Variants in ITSN1 observed in about 807,000 individuals in gnomAD.
ITSN1 encodes the protein intersectin-1.
Under a neutral mutation model 239.8 loss-of-function variants are expected in ITSN1, and 58 were observed. That is an observed-to-expected ratio of 0.24 (90% CI 0.20 to 0.30). ITSN1 has a LOEUF of 0.30. ITSN1 is among the 10% of genes least tolerant of loss of function. The pLI, the probability that ITSN1 is intolerant of heterozygous loss-of-function variation, is 1.00. For synonymous variants in ITSN1, 780 were observed against 770.8 expected (o/e 1.01, Z -0.20); for missense variants, 1,558 against 2,103.3 (o/e 0.74, Z 5.07).
At chr21:33,778,604 A>G (rs1602179587) in intron 14 of ITSN1, among the ~76,000 whole-genome samples, 1 of 80,950 alleles carries the variant, frequency 1.2e-5, no homozygotes. Flanking sequence ...TTTGAGACGG[A>G]GTCTCGCTCT....
rs1986836234 is a variant in ITSN1 at position 33,897,265 on chromosome 21, GCCGGAGT to G, written c.*8967_*8973del. On this transcript the variant is annotated 3_prime_UTR_variant, in exon 40 of 40. Coordinates refer to ENST00000381318, the MANE Select transcript of ITSN1 (RefSeq NM_003024.3). ...GATCTCATCTGCTGTAGCCCCGCAAGCCGGAGTCTGTGCCCTCCATGACCCTTCTTAT... is the reference window on the plus strand; with the variant it reads ...GATCTCATCTGCTGTAGCCCCGCAAGCTGTGCCCTCCATGACCCTTCTTAT... 2 of 152,324 alleles carry G rather than the reference GCCGGAGT, an allele frequency of 1.3e-5. No homozygotes were observed. Among genetic ancestry groups the G allele is most frequent in the Admixed American group, 6.5e-5 (1 of 15,270 alleles). 9.4% of individuals were successfully genotyped at this position (152,324 alleles called of 1,614,324 possible).
At chr21:33,729,420 C>G (rs888419967) in intron 4 of ITSN1, among the ~76,000 whole-genome samples, 1 of 151,676 alleles carries the variant, frequency 6.6e-6, no homozygotes, top group Non-Finnish European at 1.5e-5. Context: ...TGTACTCCAG[C>G]CTGGGCAACA....
chr21:33,857,632 C>A (rs9984660), intron 30 of ITSN1, among the ~76,000 whole-genome samples: 1 of 152,078 alleles, frequency 6.6e-6, no homozygotes, highest in Non-Finnish European at 1.5e-5. Context: ...CAGCAGGGCT[C>A]GCCGCTGTTG....
chr21:33,700,951 C>CTGTGTGTGTGTGTGTGTGTGTGTG (rs72389168), intron 1 of ITSN1, among the ~76,000 whole-genome samples: 3 of 141,862 alleles, frequency 2.1e-5, no homozygotes, highest in East Asian at 2.1e-4. Context: ...TTTCTTTTTT[C>CTGTGTGTGTGTGTGTGTGTGTGTG]TGTGTGTGTG....
chr21:33,786,376 T>C (rs993063621), intron 16 of ITSN1, among the ~76,000 whole-genome samples: 20 of 152,192 alleles, frequency 1.3e-4, no homozygotes, highest in African/African-American at 4.8e-4. Flanking sequence ...TCTACTTCAG[T>C]TTACATGAAA....
chr21:33,882,574 G>T lies in ITSN1; in HGVS notation c.4554+119G>T, dbSNP rs909456034. 4.9e-6 allele frequency: 4 copies of T among 814,192 alleles called. No homozygotes were observed. The highest frequency in any genetic ancestry group is 7.7e-6 in the Non-Finnish European group (4 of 519,968). 50.4% of individuals were successfully genotyped at this position (814,192 alleles called of 1,614,324 possible). On this transcript the variant is annotated intron_variant, in intron 35 of 39. Coordinates refer to ENST00000381318, the MANE Select transcript of ITSN1 (RefSeq NM_003024.3). The surrounding 1 kb of genome is among the most constrained non-coding windows in gnomAD (Gnocchi z 4.5). ...GGCTGTGGCATGCAGGAGAAGGCCAGGAGTTGAAATGCGATTTAGGGTGTC... is the reference window on the plus strand; with the variant it reads ...GGCTGTGGCATGCAGGAGAAGGCCATGAGTTGAAATGCGATTTAGGGTGTC...
intron 1 of ITSN1, among the ~76,000 whole-genome samples, chr21:33,700,951 CTGTGTGTGTGTGTG>C (rs72389168): frequency 1.6e-4 from 22 of 141,756 alleles, no homozygotes; most frequent in South Asian, 2.3e-4. Flanking sequence ...TTTCTTTTTT[CTGTGTGTGTGTGTG>C]TGTGTGTGTG....
At chr21:33,850,444 C>A (rs1451543318) in intron 29 of ITSN1, among the ~76,000 whole-genome samples, 1 of 152,206 alleles carries the variant, frequency 6.6e-6, no homozygotes, top group African/African-American at 2.4e-5. Flanking sequence ...AAAATCGCAT[C>A]TTGAGGATTT....
chr21:33,724,084 T>A (rs2065667344), intron 4 of ITSN1, among the ~76,000 whole-genome samples: 1 of 123,388 alleles, frequency 8.1e-6, no homozygotes, highest in Non-Finnish European at 1.6e-5. Flanking sequence ...CACAGGAGAT[T>A]GTGTGTGTGT....
At chr21:33,800,744 T>TTTAGAGTC in intron 19 of ITSN1, among the ~76,000 whole-genome samples, 1 of 152,236 alleles carries the variant, frequency 6.6e-6, no homozygotes, top group South Asian at 2.1e-4. Context: ...AGTTACTCTC[T>TTTAGAGTC]TTAGAGTCTT....
chr21:33,727,606 AC>A (rs1569036117), intron 4 of ITSN1, among the ~76,000 whole-genome samples: 3 of 145,650 alleles, frequency 2.1e-5, no homozygotes, highest in Admixed American at 6.8e-5. Flanking sequence ...CTAAACTCAT[AC>A]AAAAAAAAAA....
In ITSN1 at chr21:33,889,792, GAGTACCTCC is replaced by G. The variant is rs1986236410; in HGVS notation, c.*1493_*1501del. Reference sequence around the variant, plus strand: ...AAATGATAGCATCAGCGTTGTGGCAGAGTACCTCCTTTGCTGGGAACTGAATGTGTAGTG... The same window carrying G: ...AAATGATAGCATCAGCGTTGTGGCAGTTTGCTGGGAACTGAATGTGTAGTG... On this transcript the variant is annotated 3_prime_UTR_variant, in exon 40 of 40. Coordinates refer to ENST00000381318, the MANE Select transcript of ITSN1 (RefSeq NM_003024.3). 1 of 152,192 alleles carries G rather than the reference GAGTACCTCC, an allele frequency of 6.6e-6. No homozygotes were observed. The highest frequency in any genetic ancestry group is 6.5e-5 in the Admixed American group (1 of 15,274). 9.4% of individuals were successfully genotyped at this position (152,192 alleles called of 1,614,324 possible). A position where few individuals can be genotyped will look rare whatever the true frequency, so the allele number is the denominator to read the frequency against.
At chr21:33,760,527 T>C (rs1041890840) in intron 8 of ITSN1, among the ~76,000 whole-genome samples, 4 of 152,202 alleles carry the variant, frequency 2.6e-5, no homozygotes, top group African/African-American at 9.6e-5. Context: ...GCACCTCTCA[T>C]GTGCTAATGT....
chr21:33,702,782 A>G (rs879744939), intron 1 of ITSN1, among the ~76,000 whole-genome samples: 4 of 152,192 alleles, frequency 2.6e-5, no homozygotes, highest in Non-Finnish European at 5.9e-5. Flanking sequence ...TGACATTTTA[A>G]TAAATATTGT....
chr21:33,741,753 A>G (rs942922268), intron 5 of ITSN1, among the ~76,000 whole-genome samples: 2 of 150,818 alleles, frequency 1.3e-5, no homozygotes, highest in African/African-American at 4.9e-5. Flanking sequence ...AAATTAACCA[A>G]GCATGGTGGC....
At chr21:33,773,825 G>A (rs952857372) in intron 12 of ITSN1, among the ~76,000 whole-genome samples, 2 of 151,948 alleles carry the variant, frequency 1.3e-5, no homozygotes, top group Admixed American at 6.5e-5. Flanking sequence ...GATTACAGGC[G>A]TGAGCCACCA....
At chr21:33,833,451 T>G (rs1015435977) in intron 27 of ITSN1, among the ~76,000 whole-genome samples, 2 of 152,364 alleles carry the variant, frequency 1.3e-5, no homozygotes, top group East Asian at 3.9e-4. Context: ...GCATCTTGGC[T>G]TGCCACTAAC....
intron 1 of ITSN1, among the ~76,000 whole-genome samples, chr21:33,699,459 A>G (rs1215180434): frequency 6.6e-6 from 1 of 152,212 alleles, no homozygotes; most frequent in Non-Finnish European, 1.5e-5. Flanking sequence ...CTGGCTGGGC[A>G]CGGTGCCTCA....
intron 4 of ITSN1, among the ~76,000 whole-genome samples, chr21:33,725,249 C>G (rs781280677): frequency 3.3e-5 from 5 of 149,542 alleles, no homozygotes; most frequent in Non-Finnish European, 4.4e-5. Context: ...GATTCTCCTG[C>G]CTCAGCCTCC....
Sources: gnomAD v4.1 joint callset for allele counts (sites outside exome capture counted in the v4.1 genomes callset) on GRCh38, gnomAD v4.1.1 for gene constraint, Gnocchi (gnomAD v3.1) non-coding constraint, MANE v1.5 for transcripts, NCBI Gene and HGNC (gene_info 2026-07-23, HGNC 2026-07-21) for gene names.